GPHN: variants seen among roughly 807,000 people sequenced by gnomAD.
GPHN encodes the protein gephyrin.
Under a neutral mutation model 95.5 loss-of-function variants are expected in GPHN, and 17 were observed. The observed-to-expected ratio is 0.18, with a 90% confidence interval of 0.12 to 0.27. GPHN has a LOEUF of 0.27. Ranked by LOEUF, GPHN falls within the 10% of genes least tolerant of loss-of-function variation. GPHN has a pLI of 1.00. For missense variants in GPHN, 660 were observed against 978.1 expected, an observed-to-expected ratio of 0.67 and a Z score of 4.34; for synonymous variants, 320 against 322.5, an observed-to-expected ratio of 0.99 and a Z score of 0.08.
At chr14:67,024,250 A>G (rs952420771) in intron 10 of GPHN, among the ~76,000 whole-genome samples, 2 of 152,204 alleles carry the variant, frequency 1.3e-5, no homozygotes, top group Non-Finnish European at 2.9e-5. Context: ...GTCTTATAAA[A>G]AGGAACTATA....
At chr14:66,846,062 A>G (rs1283486920) in intron 4 of GPHN, among the ~76,000 whole-genome samples, 2 of 152,214 alleles carry the variant, frequency 1.3e-5, no homozygotes, top group Non-Finnish European at 2.9e-5. Flanking sequence ...AAAGCAGTTT[A>G]AAACTGCAGT....
the GPHN span, chr14:67,316,736 A>C: frequency 4.5e-6 from 4 of 888,476 alleles, no homozygotes; most frequent in Non-Finnish European, 6.8e-6. Context: ...ATATAAGTGA[A>C]GAGATATGTC....
At chr14:67,383,379 A>T in the GPHN span, 1 of 1,613,760 alleles carries the variant, frequency 6.2e-7, no homozygotes, top group East Asian at 2.2e-5. Context: ...CTTGAAAGAG[A>T]AAATGCCGAA....
the GPHN span, among the ~76,000 whole-genome samples, chr14:67,564,364 A>G: frequency 1.3e-5 from 2 of 152,146 alleles, no homozygotes; most frequent in Non-Finnish European, 2.9e-5. Flanking sequence ...TTCAGAAGCA[A>G]TGATCTGGTT....
At chr14:67,247,089 G>C in the GPHN span, among the ~76,000 whole-genome samples, 1 of 152,106 alleles carries the variant, frequency 6.6e-6, no homozygotes, top group Non-Finnish European at 1.5e-5. Context: ...TATACATTCT[G>C]TTGGGATTTT....
At chr14:67,107,838 A>G (rs1436737431) in intron 13 of GPHN, among the ~76,000 whole-genome samples, 2 of 152,192 alleles carry the variant, frequency 1.3e-5, no homozygotes, top group African/African-American at 4.8e-5. Context: ...GCTATAGTCT[A>G]GCTCCAGAGA....
intron 2 of GPHN, among the ~76,000 whole-genome samples, chr14:66,728,953 A>G (rs2071506387): frequency 1.3e-5 from 2 of 152,144 alleles, no homozygotes; most frequent in African/African-American, 4.8e-5. Context: ...CAATTCCCAC[A>G]TATTGTGGGA....
At chr14:66,689,571 A>C (rs2067639049) in intron 2 of GPHN, among the ~76,000 whole-genome samples, 1 of 152,186 alleles carries the variant, frequency 6.6e-6, no homozygotes, top group Non-Finnish European at 1.5e-5. Context: ...TCTTAGAATG[A>C]GTTTTGAAGA....
the GPHN span, among the ~76,000 whole-genome samples, chr14:67,331,217 G>C: frequency 6.6e-6 from 1 of 151,952 alleles, no homozygotes; most frequent in South Asian, 2.1e-4. Context: ...GCTATTTTTT[G>C]TATTTTTAAT....
At chr14:66,806,253 A>G (rs2060536958) in intron 3 of GPHN, among the ~76,000 whole-genome samples, 1 of 152,188 alleles carries the variant, frequency 6.6e-6, no homozygotes, top group Non-Finnish European at 1.5e-5. Context: ...TAGACTGCAC[A>G]TAGCACAAGG....
At chr14:66,550,110 T>A (rs904126517) in intron 1 of GPHN, among the ~76,000 whole-genome samples, 2 of 152,224 alleles carry the variant, frequency 1.3e-5, no homozygotes, top group African/African-American at 4.8e-5. Context: ...CAGCTTTCAA[T>A]TCATATTAAG....
chr14:67,056,002 A>G (rs2075548090), intron 10 of GPHN, among the ~76,000 whole-genome samples: 1 of 152,198 alleles, frequency 6.6e-6, no homozygotes, highest in Non-Finnish European at 1.5e-5. Flanking sequence ...CTTCACCGTG[A>G]GTGTTACAGC....
At chr14:67,386,876 CAG>C in the GPHN span, 1 of 153,164 alleles carries the variant, frequency 6.5e-6, no homozygotes, top group East Asian at 1.9e-4. Flanking sequence ...GTCTTAATGA[CAG>C]AGATACTTGA....
At chr14:66,731,780 C>G (rs1262506119) in intron 2 of GPHN, among the ~76,000 whole-genome samples, 2 of 152,178 alleles carry the variant, frequency 1.3e-5, no homozygotes, top group Non-Finnish European at 2.9e-5. Flanking sequence ...GGCCACCCCT[C>G]CCATCACAGG....
At chr14:67,323,615 A>AATATATATATATATAT in the GPHN span, 18 of 260,310 alleles carry the variant, frequency 6.9e-5, no homozygotes, top group Non-Finnish European at 9.7e-5. Context: ...CCCTTAATCT[A>AATATATATATATATAT]ATATATATAT....
the GPHN span, chr14:67,650,871 C>A: frequency 6.2e-7 from 1 of 1,614,198 alleles, no homozygotes. Context: ...CAACTTCCTA[C>A]TCCCAGTTCA....
the GPHN span, among the ~76,000 whole-genome samples, chr14:67,465,921 A>C: frequency 0.15 from 23,317 of 152,166 alleles, 2,197 homozygotes; most frequent in East Asian, 0.34. Context: ...CCACAAGCCT[A>C]GGAAGCCAAG....
chr14:67,439,796 T>C, the GPHN span, among the ~76,000 whole-genome samples: 1 of 152,066 alleles, frequency 6.6e-6, no homozygotes, highest in South Asian at 2.1e-4. Context: ...ATGCTTTTAG[T>C]GTTAAAATGT....
At chr14:67,417,564 T>G in the GPHN span, among the ~76,000 whole-genome samples, 86 of 151,832 alleles carry the variant, frequency 5.7e-4, no homozygotes, top group Non-Finnish European at 7.7e-4. Context: ...CCTGAGTAGC[T>G]GAGACTATAT....
Sources: gnomAD v4.1 joint callset for allele counts (sites outside exome capture counted in the v4.1 genomes callset) on GRCh38, gnomAD v4.1.1 for gene constraint, MANE v1.5 for transcripts, NCBI Gene and HGNC (gene_info 2026-07-23, HGNC 2026-07-21) for gene names.